Variants in CD164 observed in about 807,000 individuals in gnomAD.
CD164 encodes CD164 molecule, also known as sialomucin core protein 24.
In CD164, 11 loss-of-function variants were observed where a neutral mutation model predicts 24.6. The ratio of observed to expected loss-of-function variants is 0.45; its 90% CI spans 0.28 to 0.74. CD164 has a LOEUF of 0.74. Among genes scored for constraint, CD164 ranks in the 30% least tolerant of loss-of-function variants. The probability of loss-of-function intolerance (pLI) is 0.13; values close to 1 mark genes in which losing one functional copy is unlikely to be tolerated. For missense variants in CD164, 295 were observed against 243.7 expected, an observed-to-expected ratio of 1.21 and a Z score of -1.40; for synonymous variants, 126 against 100.3, an observed-to-expected ratio of 1.26 and a Z score of -1.53.
At position 109,382,333 on chromosome 6, in the gene CD164, C is replaced by A; in HGVS notation, c.46G>T (p.Gly16Cys). Residue 16 changes from glycine (G) to cysteine (C), a missense_variant, in exon 1 of 6, where the codon GGC becomes TGC. By Grantham distance (159) the Gly-to-Cys change is radical (BLOSUM62 -3). Transcript: ENST00000310786. ...TCCGCGGACAGCACGCAGAGCACGC[C>A]CAGGCAGGTGGCGGCCCAAAGCAGT... ...RSLLWAATCLGVLCVLSADKN... is the reference protein window; with the variant it reads ...RSLLWAATCLCVLCVLSADKN... 6.4e-7 allele frequency: 1 copy of A among 1,568,924 alleles called. No individual in the cohort carries two copies. The highest frequency in any genetic ancestry group is 8.6e-7 in the Non-Finnish European group (1 of 1,162,256).
intron 1 of CD164, chr6:109,381,399 A>C (rs2115173957): frequency 1.5e-6 from 1 of 669,560 alleles, no homozygotes; most frequent in African/African-American, 1.8e-5. Flanking sequence ...CACAGGACAT[A>C]GTTAAGAAAA....
At chr6:109,369,077 A>G in intron 5 of CD164, 60 bp from the exon 6 acceptor site, 2 of 1,434,444 alleles carry the variant, frequency 1.4e-6, no homozygotes, top group South Asian at 1.3e-5. Context: ...ATTGTAATTT[A>G]AAGATGCACC....
rs752203097 is a variant in CD164 at position 109,382,421 on chromosome 6, A to G, written c.-43T>C. ...CGTTCGGGAGAAAGCTAAGGCTCGC[A>G]ACGCTCAGTCAACCCCTCAATCCCC... On this transcript the variant is annotated 5_prime_UTR_variant, in exon 1 of 6. Transcript: ENST00000310786. The G allele has an allele frequency of 2.0e-6, 3 of 1,467,066 alleles. No homozygotes were observed. The highest frequency in any genetic ancestry group is 2.8e-5 in the East Asian group (1 of 36,242). 90.9% of individuals were successfully genotyped at this position (1,467,066 alleles called of 1,614,324 possible). A position where few individuals can be genotyped will look rare whatever the true frequency, so the allele number is the denominator to read the frequency against.
Position 109,382,226 on chromosome 6 carries a change from C to A in CD164, c.153G>T (p.Pro51=). 1.9e-6 allele frequency: 3 copies of A among 1,576,846 alleles called. No individual in the cohort carries two copies. Among genetic ancestry groups the A allele is most frequent in the Non-Finnish European group, 2.6e-6 (3 of 1,166,096 alleles). Reference sequence around the variant, plus strand: ...CACCTGGTGCCGGAGTGGTGACCAGCGGGAGGGACGTCACCGGCGCCGAGG... The same window carrying A: ...CACCTGGTGCCGGAGTGGTGACCAGAGGGAGGGACGTCACCGGCGCCGAGG... ...NVTSAPVTSL[P]LVTTPAPETC... The change falls in exon 1 of 6, where the codon CCG becomes CCT. Residue 51 remains proline, a synonymous_variant. Transcript: ENST00000310786.
chr6:109,369,049 TAA>T (rs1439085061), intron 5 of CD164, 32 bp from the exon 6 acceptor site: 2 of 1,584,530 alleles, frequency 1.3e-6, no homozygotes, highest in Non-Finnish European at 8.6e-7. Context: ...ACAACAATCC[TAA>T]GTTTCATGGT....
intron 4 of CD164, chr6:109,372,339 G>C (rs141150937): frequency 9.9e-5 from 15 of 152,112 alleles, no homozygotes; most frequent in Non-Finnish European, 1.6e-4. Flanking sequence ...CAGGACTCTC[G>C]TAACAGGCTG....
In CD164 at chr6:109,373,555, G is replaced by C. The variant is rs551820379; in HGVS notation, c.370+2519C>G. 3.9e-5 allele frequency among the ~76,000 whole-genome samples: 6 copies of C among 152,268 alleles called. No individual in the cohort carries two copies. In the South Asian group the frequency reaches 1.2e-3, roughly 32 times the overall value. ...AAAGACTCATGGCAATTCACAGGAG[G>C]ACCCAGGGTGGAGAAAGCTGCAGAG... On this transcript the variant is annotated intron_variant, in intron 4 of 5. Coordinates refer to ENST00000310786, the MANE Select transcript of CD164 (RefSeq NM_006016.6).
At chr6:109,381,706 T>C in intron 1 of CD164, 1 of 633,848 alleles carries the variant, frequency 1.6e-6, no homozygotes, top group Non-Finnish European at 2.8e-6. Flanking sequence ...CGAACGAGCA[T>C]TACCGTCTTT....
At chr6:109,369,657 T>C (rs1485330154) in intron 5 of CD164, among the ~76,000 whole-genome samples, 1 of 152,184 alleles carries the variant, frequency 6.6e-6, no homozygotes, top group Non-Finnish European at 1.5e-5. Flanking sequence ...GTAACAGTTA[T>C]CAAAGAACAC....
intron 4 of CD164, among the ~76,000 whole-genome samples, chr6:109,374,112 T>A (rs2115154251): frequency 6.6e-6 from 1 of 152,278 alleles, no homozygotes; most frequent in East Asian, 1.9e-4. Flanking sequence ...TTTCCTCCCG[T>A]CTTCTTCCTA....
intron 3 of CD164, among the ~76,000 whole-genome samples, chr6:109,377,677 CGCATCCACACTTACA>C (rs1562241582): frequency 6.7e-6 from 1 of 149,944 alleles, no homozygotes; most frequent in African/African-American, 2.4e-5. Flanking sequence ...GGGCAGACAA[CGCATCCACACTTACA>C]GCATCCACAC....
At chr6:109,370,748 C>CT (rs1183396446) in intron 4 of CD164, 6 of 299,022 alleles carry the variant, frequency 2.0e-5, no homozygotes, top group Admixed American at 1.6e-4. Context: ...TGCGAAAACT[C>CT]TTATCTTGCT....
chr6:109,375,300 T>C (rs915383400), intron 4 of CD164, among the ~76,000 whole-genome samples: 2 of 151,946 alleles, frequency 1.3e-5, no homozygotes, highest in Non-Finnish European at 2.9e-5. Context: ...GGGTAAAGTG[T>C]ATACCATAAT....
chr6:109,374,623 C>A (rs1771291239), intron 4 of CD164, among the ~76,000 whole-genome samples: 1 of 152,182 alleles, frequency 6.6e-6, no homozygotes, highest in Non-Finnish European at 1.5e-5. Flanking sequence ...ACTTTAAAAT[C>A]TTTCAGGATA....
rs771972241 is a variant in CD164 at position 109,369,058 on chromosome 6, T to C, written c.428-41A>G. ...AAAGAAACAACAATCCTAAGTTTCATGGTCCTCTATTGTAATTTAAAGATG... is the reference window on the plus strand; with the variant it reads ...AAAGAAACAACAATCCTAAGTTTCACGGTCCTCTATTGTAATTTAAAGATG... On this transcript the variant is annotated intron_variant, in intron 5 of 5. Transcript: ENST00000310786. 7.7e-6 allele frequency: 12 copies of C among 1,557,798 alleles called. No individual in the cohort carries two copies. The East Asian group carries it at 1.6e-4, about 21-fold the overall frequency.
At chr6:109,370,740 C>T (rs982087291) in intron 4 of CD164, 4 of 323,744 alleles carry the variant, frequency 1.2e-5, no homozygotes, top group Admixed American at 5.0e-5. Context: ...ATAAAATTTG[C>T]GAAAACTCTT....
At chr6:109,379,520 G>T in intron 2 of CD164, 59 bp downstream of exon 2, 2 of 1,241,702 alleles carry the variant, frequency 1.6e-6, no homozygotes, top group Non-Finnish European at 2.3e-6. Flanking sequence ...AAGTGTTCAA[G>T]AATTACTGTA....
At chr6:109,370,325 A>C (rs997478317) in intron 5 of CD164, 86 bp downstream of exon 5, 13 of 1,103,776 alleles carry the variant, frequency 1.2e-5, no homozygotes, top group African/African-American at 1.1e-4. Context: ...ATTAACGAAG[A>C]AAGCTGGAAA....
chr6:109,375,724 G>C (rs560984765), intron 4 of CD164, among the ~76,000 whole-genome samples: 1 of 151,974 alleles, frequency 6.6e-6, no homozygotes, highest in South Asian at 2.1e-4. Context: ...AAGACTAGAA[G>C]AAATTAATCA....
Sources: allele counts gnomAD v4.1 joint callset (sites outside exome capture counted in the v4.1 genomes callset), GRCh38; gene constraint gnomAD v4.1.1; transcripts MANE v1.5; gene names NCBI Gene and HGNC (gene_info 2026-07-23, HGNC 2026-07-21).